Variants in MTG1 observed in about 807,000 individuals in gnomAD.
MTG1 encodes the protein mitochondrial ribosome associated GTPase 1, also known as mitochondrial ribosome-associated GTPase 1.
A neutral mutation model predicts 39.5 loss-of-function variants in MTG1; 30 were observed. The ratio of observed to expected loss-of-function variants is 0.76; its 90% CI spans 0.57 to 1.03. The LOEUF (loss-of-function observed/expected upper bound fraction) is 1.03, where lower values mean the gene tolerates loss of function less well. Ranked by LOEUF, MTG1 falls within the 50% of genes least tolerant of loss-of-function variation. MTG1 has a pLI of 0.00. For missense variants in MTG1, 513 were observed against 447.4 expected (o/e 1.15, Z -1.32); for synonymous variants, 217 against 179.0 (o/e 1.21, Z -1.69).
At position 133,416,709 on chromosome 10, in the gene MTG1, C is replaced by T. The variant is rs1281138259; in HGVS notation, c.753-2771C>T. ...GAGAATGATGATTTCCAATTTCATC[C>T]ATGTCCCTACAAAGGACATGAACTC... is the stretch of plus-strand genomic sequence containing the variant. On this transcript the variant is annotated intron_variant, in intron 9 of 10. Transcript: ENST00000317502. Among the ~76,000 whole-genome samples the T allele has an allele frequency of 2.1e-5, 3 of 146,224 alleles. No homozygotes were observed. The East Asian group carries it at 6.1e-4, about 30-fold the overall frequency.
At chr10:133,403,816 G>A (rs1195225999) in intron 9 of MTG1, among the ~76,000 whole-genome samples, 3 of 152,238 alleles carry the variant, frequency 2.0e-5, no homozygotes, top group African/African-American at 4.8e-5. Context: ...CTGGATCATA[G>A]GGGAGGCATA....
In MTG1 at chr10:133,420,325, C is replaced by T; in HGVS notation, c.*160C>T. ...ACAGCCTGGCCAGCTCCAGGGACCC[C>T]AGTTGCAGGGCCCAAGCAGGTGGGA... On this transcript the variant is annotated 3_prime_UTR_variant, in exon 11 of 11. Transcript: ENST00000317502. The T allele has an allele frequency of 2.3e-6, 2 of 861,244 alleles. No homozygotes were observed. Among genetic ancestry groups the T allele is most frequent in the Non-Finnish European group, 3.3e-6 (2 of 601,804 alleles). 53.4% of individuals were successfully genotyped at this position (861,244 alleles called of 1,614,324 possible).
chr10:133,399,239 G>A lies in MTG1; in HGVS notation c.420+13G>A. On this transcript the variant is annotated intron_variant, in intron 5 of 10. Coordinates refer to ENST00000317502, the MANE Select transcript of MTG1 (RefSeq NM_138384.4). ...CCACCGAAAAGAGGTTGGTTGGTGG[G>A]GCCCAGAGCTGGGAGTGGGAGGCGG... 6.2e-7 allele frequency: 1 copy of A among 1,613,958 alleles called. No individual in the cohort carries two copies. Among genetic ancestry groups the A allele is most frequent in the African/African-American group, 1.3e-5 (1 of 75,044 alleles).
chr10:133,418,090 A>C (rs1589919953), intron 9 of MTG1, among the ~76,000 whole-genome samples: 1 of 152,074 alleles, frequency 6.6e-6, no homozygotes, highest in African/African-American at 2.4e-5. Context: ...TGCAGCCTCC[A>C]CCTCCTGGGT....
intron 1 of MTG1, among the ~76,000 whole-genome samples, chr10:133,395,342 C>A (rs1849766210): frequency 6.6e-6 from 1 of 152,202 alleles, no homozygotes; most frequent in Non-Finnish European, 1.5e-5. Context: ...TTGCAGTGAG[C>A]CGAGATCGTG....
chr10:133,399,493 C>T (rs55658692), intron 5 of MTG1, 36 bp from the exon 6 acceptor site: 115 of 1,599,186 alleles, frequency 7.2e-5, no homozygotes, highest in African/African-American at 3.9e-4. Flanking sequence ...CTAGCGGCCA[C>T]GGTGGGCCCT....
intron 3 of MTG1, among the ~76,000 whole-genome samples, chr10:133,398,017 C>T (rs992656329): frequency 5.9e-5 from 9 of 152,142 alleles, no homozygotes; most frequent in Admixed American, 5.9e-4. Flanking sequence ...AGCAGGGACA[C>T]CCAAGTACAT....
At position 133,420,176 on chromosome 10, in the gene MTG1, G is replaced by A; in HGVS notation, c.*11G>A. ...GAGACTTTGCCCTGAACTTGTCCGG[G>A]TAGGGAGGGCCGGAGGCATGTGGCC... On this transcript the variant is annotated 3_prime_UTR_variant, in exon 11 of 11. Transcript: ENST00000317502. 1 of 1,602,252 alleles carries A rather than the reference G, an allele frequency of 6.2e-7. No homozygotes were observed. The highest frequency in any genetic ancestry group is 8.5e-7 in the Non-Finnish European group (1 of 1,174,224).
At chr10:133,417,100 C>G (rs1003512404) in intron 9 of MTG1, among the ~76,000 whole-genome samples, 11 of 151,948 alleles carry the variant, frequency 7.2e-5, no homozygotes, top group Non-Finnish European at 1.5e-4. Context: ...GCCATTCTAA[C>G]TGGTGTGAGA....
At chr10:133,410,505 AT>A (rs1850030070) in intron 9 of MTG1, among the ~76,000 whole-genome samples, 2 of 151,746 alleles carry the variant, frequency 1.3e-5, no homozygotes, top group South Asian at 4.2e-4. Context: ...TGGTTAAGAG[AT>A]TTTCTCTGTT....
At chr10:133,419,680 G>A in intron 10 of MTG1, 88 bp downstream of exon 10, 1 of 1,117,048 alleles carries the variant, frequency 9.0e-7, no homozygotes, top group Non-Finnish European at 1.3e-6. Flanking sequence ...AGGGAGGAGA[G>A]GAACGTGTCA....
chr10:133,420,135 G>A lies in MTG1; in HGVS notation c.975G>A (p.Arg325=), dbSNP rs1850208271. ...GSVMLDLDVL[R]GHPPAETLP ...TGATGCTGGACCTCGACGTCCTGCG[G>A]GGCCACCCCCCGGCTGAGACTTTGC... The change falls in exon 11 of 11, where the codon CGG becomes CGA. Residue 325 remains arginine, a synonymous_variant. Coordinates refer to ENST00000317502, the MANE Select transcript of MTG1 (RefSeq NM_138384.4). The A allele has an allele frequency of 1.2e-6, 2 of 1,612,836 alleles. No homozygotes were observed. The highest frequency in any genetic ancestry group is 1.7e-6 in the Non-Finnish European group (2 of 1,179,576).
At chr10:133,410,802 C>T (rs1247241459) in intron 9 of MTG1, among the ~76,000 whole-genome samples, 1 of 152,174 alleles carries the variant, frequency 6.6e-6, no homozygotes, top group African/African-American at 2.4e-5. Flanking sequence ...CACATGACAC[C>T]TTATCTGTGA....
At chr10:133,411,317 A>G (rs938942195) in intron 9 of MTG1, among the ~76,000 whole-genome samples, 2 of 152,082 alleles carry the variant, frequency 1.3e-5, no homozygotes, top group Non-Finnish European at 2.9e-5. Flanking sequence ...TCTTTTATAA[A>G]TATATTTGCT....
chr10:133,398,487 A>G lies in MTG1; in HGVS notation c.335A>G (p.Asn112Ser), dbSNP rs745510751. Residue 112 changes from asparagine (N) to serine (S), a missense_variant, in exon 4 of 11, where the codon AAC (asparagine) becomes AGC (serine). Asn to Ser is a conservative substitution (Grantham distance 46). Coordinates refer to ENST00000317502, the MANE Select transcript of MTG1 (RefSeq NM_138384.4). The part of the protein sequence containing the change: ...GEGLKNVIFT[N>S]CVKDENVKQI... ...GGCCTAAAAAATGTCATTTTTACCA[A>G]CTGTGTAAAGGATGAAAATGTCAAG... The G allele has an allele frequency of 1.9e-6, 3 of 1,613,954 alleles. No individual in the cohort carries two copies. Among genetic ancestry groups the G allele is most frequent in the Non-Finnish European group, 1.7e-6 (2 of 1,179,972 alleles).
At chr10:133,411,212 AT>A (rs61096899) in intron 9 of MTG1, among the ~76,000 whole-genome samples, 3 of 151,060 alleles carry the variant, frequency 2.0e-5, no homozygotes, top group African/African-American at 7.3e-5. Flanking sequence ...TGACAGTTGC[AT>A]TTTTTTTTCC....
At chr10:133,416,349 G>A (rs1377067593) in intron 9 of MTG1, among the ~76,000 whole-genome samples, 1 of 150,250 alleles carries the variant, frequency 6.7e-6, no homozygotes, top group Non-Finnish European at 1.5e-5. Context: ...TTTTTGCTTT[G>A]TAGGCCTGGC....
intron 10 of MTG1, among the ~76,000 whole-genome samples, chr10:133,419,802 C>T (rs898040230): frequency 6.6e-5 from 10 of 152,174 alleles, no homozygotes; most frequent in African/African-American, 2.2e-4. Flanking sequence ...CCAGCCCTGC[C>T]GCGTATTGGG....
rs200961792 is a variant in MTG1 at position 133,420,141 on chromosome 10, C to T, written c.981C>T (p.His327=). The T allele has an allele frequency of 1.8e-5, 29 of 1,609,356 alleles. No individual in the cohort carries two copies. The highest frequency in any genetic ancestry group is 1.3e-4 in the East Asian group (6 of 44,732). ...VMLDLDVLRG[H]PPAETLP is the part of the protein sequence containing the mutation. ...TGGACCTCGACGTCCTGCGGGGCCA[C>T]CCCCCGGCTGAGACTTTGCCCTGAA... The change falls in exon 11 of 11, where the codon CAC becomes CAT. Residue 327 remains histidine (H), a synonymous_variant. Transcript: ENST00000317502.
Sources: gnomAD v4.1 joint callset for allele counts (sites outside exome capture counted in the v4.1 genomes callset) on GRCh38, gnomAD v4.1.1 for gene constraint, MANE v1.5 for transcripts, NCBI Gene and HGNC (gene_info 2026-07-23, HGNC 2026-07-21) for gene names.